OGFRL1: variants seen among roughly 807,000 people sequenced by gnomAD.
The protein encoded by OGFRL1 is opioid growth factor receptor like 1, also known as opioid growth factor receptor-like protein 1.
In OGFRL1, 26 loss-of-function variants were observed where a neutral mutation model predicts 32.4. That is an observed-to-expected ratio of 0.80 (90% CI 0.59 to 1.11). The LOEUF is 1.11. OGFRL1 is among the 50% of genes most tolerant of loss of function. OGFRL1 has a pLI of 0.00. For missense variants in OGFRL1, 521 were observed against 546.4 expected, an observed-to-expected ratio of 0.95 and a Z score of 0.46; for synonymous variants, 211 against 201.2, an observed-to-expected ratio of 1.05 and a Z score of -0.41.
Position 71,305,423 on chromosome 6 carries a change from A to G in OGFRL1, c.*3374A>G, listed in dbSNP as rs893482213. The G allele has an allele frequency of 3.3e-5, 5 of 152,150 alleles. No individual in the cohort carries two copies. The highest frequency in any genetic ancestry group is 7.4e-5 in the Non-Finnish European group (5 of 67,946). The allele number at this position is 152,150 out of a possible 1,614,324, so 9.4% of individuals were successfully genotyped here. A position where few individuals can be genotyped will look rare whatever the true frequency, so the allele number is the denominator to read the frequency against. On this transcript the variant is annotated 3_prime_UTR_variant, in exon 7 of 7. Transcript: ENST00000370435. ...CATTCTCGATCTCATAAGAAATTCA[A>G]AAGAATAATGATAGAGGTGAAAATA...
chr6:71,305,194 T>C lies in OGFRL1; in HGVS notation c.*3145T>C, dbSNP rs1766510924. On this transcript the variant is annotated 3_prime_UTR_variant, in exon 7 of 7. Transcript: ENST00000370435. ...TACTAAATATTGGCTATTGATAAAA[T>C]ACTAACTTGCATTTCATGGCAAATA... is the stretch of plus-strand genomic sequence containing the variant. 6.6e-6 allele frequency: 1 copy of C among 152,054 alleles called. No individual in the cohort carries two copies. The highest frequency in any genetic ancestry group is 2.4e-5 in the African/African-American group (1 of 41,450). The allele number at this position is 152,054 out of a possible 1,614,324, so 9.4% of individuals were successfully genotyped here. A position where few individuals can be genotyped will look rare whatever the true frequency, so the allele number is the denominator to read the frequency against.
chr6:71,298,066 C>T (rs1766270123), intron 6 of OGFRL1, among the ~76,000 whole-genome samples: 1 of 148,944 alleles, frequency 6.7e-6, no homozygotes, highest in African/African-American at 2.5e-5. Flanking sequence ...AAGTAAAAAG[C>T]CTTCTTTTTA....
rs973839956 is a variant in OGFRL1, at chr6:71,298,177, C to G, written c.692+1360C>G. On this transcript the variant is annotated intron_variant, in intron 6 of 6. Transcript: ENST00000370435. Reference sequence around the variant, plus strand: ...TATTCCTGACTAGAAGATCCATTAACTCATAACTCAAATTTGACTTATGTA... The same window carrying G: ...TATTCCTGACTAGAAGATCCATTAAGTCATAACTCAAATTTGACTTATGTA... Among the ~76,000 whole-genome samples, 10 of 152,124 alleles carry G rather than the reference C, an allele frequency of 6.6e-5. No individual in the cohort carries two copies. The East Asian group carries it at 1.5e-3, about 24-fold the overall frequency.
chr6:71,306,897 T>TC lies in OGFRL1; in HGVS notation c.*4850dup, dbSNP rs1582568136. 1 of 152,216 alleles carries TC rather than the reference T, an allele frequency of 6.6e-6. No individual in the cohort carries two copies. The highest frequency in any genetic ancestry group is 1.5e-5 in the Non-Finnish European group (1 of 68,026). 9.4% of individuals were successfully genotyped at this position (152,216 alleles called of 1,614,324 possible). ...TTAGAGAAATTATTAAAAGTTTAAT[T>TC]CCAGTAGGCAGTTGGAGAAATCTGA... On this transcript the variant is annotated 3_prime_UTR_variant, in exon 7 of 7. Coordinates refer to ENST00000370435, the MANE Select transcript of OGFRL1 (RefSeq NM_024576.5).
At chr6:71,298,284 A>G (rs534915237) in intron 6 of OGFRL1, among the ~76,000 whole-genome samples, 75 of 152,032 alleles carry the variant, frequency 4.9e-4, no homozygotes, top group Non-Finnish European at 9.6e-4. Flanking sequence ...AAACACTTAT[A>G]TTACACTGTG....
chr6:71,289,566 A>T, intron 1 of OGFRL1: 1 of 977,808 alleles, frequency 1.0e-6, no homozygotes, highest in Non-Finnish European at 1.2e-6. Flanking sequence ...AAAAAAAAAA[A>T]AAAAAAAAAA....
chr6:71,296,288 T>G, intron 3 of OGFRL1, 29 bp from the exon 4 acceptor site: 2 of 1,437,712 alleles, frequency 1.4e-6, no homozygotes, highest in Non-Finnish European at 1.9e-6. Flanking sequence ...TTGAAATGTC[T>G]GGTTCATTTT....
intron 1 of OGFRL1, among the ~76,000 whole-genome samples, chr6:71,290,222 G>C (rs1766006211): frequency 6.6e-6 from 1 of 152,160 alleles, no homozygotes; most frequent in Non-Finnish European, 1.5e-5. Flanking sequence ...AGAGAGAAAG[G>C]AAAACTTGCC....
rs143683047 is a variant in OGFRL1 at position 71,301,653 on chromosome 6, G to A, written c.960G>A (p.Ser320=). 4.7e-5 allele frequency: 76 copies of A among 1,614,010 alleles called. 2 individuals carry two copies. The Admixed American group carries it at 7.0e-4, about 15-fold the overall frequency. Residue 320 remains serine (S), a synonymous_variant, in exon 7 of 7, where the codon TCG becomes TCA. Coordinates refer to ENST00000370435, the MANE Select transcript of OGFRL1 (RefSeq NM_024576.5). ...GGGGACCGCCTCGAAAAGAACAGTC[G>A]GAGGGAAGCAAAGCCCAGAAAATGT... is the stretch of plus-strand genomic sequence containing the variant. The part of the protein sequence containing the change: ...FIWGPPRKEQ[S]EGSKAQKMSS...
In OGFRL1 at chr6:71,306,730, A is replaced by G. The variant is rs1260583763; in HGVS notation, c.*4681A>G. ...GTGTTTAGAGTAAGAAAGACTAACT[A>G]TACTGTCTGTTATATTTATTTATGC... is the stretch of plus-strand genomic sequence containing the variant. On this transcript the variant is annotated 3_prime_UTR_variant, in exon 7 of 7. Transcript: ENST00000370435. 1 of 152,202 alleles carries G rather than the reference A, an allele frequency of 6.6e-6. No individual in the cohort carries two copies. Among genetic ancestry groups the G allele is most frequent in the Non-Finnish European group, 1.5e-5 (1 of 68,032 alleles). The allele number at this position is 152,202 out of a possible 1,614,324, so 9.4% of individuals were successfully genotyped here.
At chr6:71,293,423 C>T (rs1248323790) in intron 2 of OGFRL1, 44 bp downstream of exon 2, 1 of 1,594,166 alleles carries the variant, frequency 6.3e-7, no homozygotes. Flanking sequence ...AACTATTTTC[C>T]TTCTGTTTTT....
intron 1 of OGFRL1, among the ~76,000 whole-genome samples, chr6:71,291,045 C>T (rs758641461): frequency 4.6e-5 from 7 of 152,046 alleles, no homozygotes; most frequent in South Asian, 2.1e-4. Context: ...GGAGTGATGA[C>T]GACTGAGGAC....
rs1766106829 is a variant in OGFRL1, at chr6:71,293,374, T to C, written c.316T>C (p.Tyr106His). 6.2e-7 allele frequency: 1 copy of C among 1,613,364 alleles called. No homozygotes were observed. The highest frequency in any genetic ancestry group is 8.5e-7 in the Non-Finnish European group (1 of 1,179,596). The part of the protein sequence containing the change: ...ARDLYKYRHQ[Y>H]PNFKDIRYQN... ...GGATTTGTACAAGTACCGACACCAG[T>C]ACCCAGTAAGAGTATAGAATGCTAT... The change falls in exon 2 of 7, where the codon TAC (tyrosine) becomes CAC (histidine). Residue 106 changes from tyrosine to histidine, a missense_variant. Transcript: ENST00000370435.
intron 6 of OGFRL1, among the ~76,000 whole-genome samples, chr6:71,300,264 T>C (rs1766339873): frequency 6.6e-6 from 1 of 152,216 alleles, no homozygotes; most frequent in East Asian, 1.9e-4. Flanking sequence ...GATTAATACA[T>C]GTGGCTGATG....
intron 3 of OGFRL1, among the ~76,000 whole-genome samples, chr6:71,293,904 C>T (rs908251982): frequency 2.0e-5 from 3 of 152,196 alleles, no homozygotes; most frequent in African/African-American, 7.2e-5. Flanking sequence ...TCAGCTTTCT[C>T]ATCTCAAAGA....
intron 6 of OGFRL1, among the ~76,000 whole-genome samples, chr6:71,299,431 T>C (rs1451472432): frequency 2.0e-5 from 3 of 152,190 alleles, no homozygotes; most frequent in Non-Finnish European, 4.4e-5. Context: ...TTAACCCAAG[T>C]CTTTTTCCTT....
At chr6:71,291,163 G>T (rs9360445) in intron 1 of OGFRL1, among the ~76,000 whole-genome samples, 26,479 of 152,132 alleles carry the variant, frequency 0.17, 2,987 homozygotes, top group African/African-American at 0.3. Context: ...AGTTATAGTA[G>T]CCTGTAAGCC....
Position 71,296,325 on chromosome 6 carries a change from A to G in OGFRL1, c.409A>G (p.Ile137Val), listed in dbSNP as rs1324039381. 4 of 1,598,172 alleles carry G rather than the reference A, an allele frequency of 2.5e-6. No individual in the cohort carries two copies. Among genetic ancestry groups the G allele is most frequent in the South Asian group, 1.1e-5 (1 of 90,108 alleles). ...AAATATTTACTATTTAGGTGTTTAC[A>G]TTGAAGAAGTTCTAAGTAAATGGAA... ...KIPFKPDGVY[I>V]EEVLSKWKGD... is the part of the protein sequence containing the mutation. The change falls in exon 4 of 7, where the codon ATT becomes GTT. Residue 137 changes from isoleucine (I) to valine (V), a missense_variant. By Grantham distance (29) the Ile-to-Val change is conservative. Coordinates refer to ENST00000370435, the MANE Select transcript of OGFRL1 (RefSeq NM_024576.5).
At chr6:71,289,629 C>T (rs1765982798) in intron 1 of OGFRL1, 1 of 984,744 alleles carries the variant, frequency 1.0e-6, no homozygotes, top group African/African-American at 1.8e-5. Flanking sequence ...AGCGCTCTCC[C>T]CTACAGTGGG....
Sources: allele counts gnomAD v4.1 joint callset (sites outside exome capture counted in the v4.1 genomes callset), GRCh38; gene constraint gnomAD v4.1.1; transcripts MANE v1.5; gene names NCBI Gene and HGNC (gene_info 2026-07-23, HGNC 2026-07-21).